The following FAM83B variants were observed in gnomAD, a reference collection of about 807,000 sequenced individuals.
FAM83B encodes the protein scaffolding CK1 anchoring protein B.
FAM83B carries 26 observed loss-of-function variants against 38.8 expected under a neutral mutation model. The observed-to-expected ratio is 0.67, with a 90% CI of 0.49 to 0.93. The LOEUF (loss-of-function observed/expected upper bound fraction) is 0.93. FAM83B is among the 40% of genes least tolerant of loss of function. FAM83B has a pLI of 0.00. For missense variants in FAM83B, 1,237 were observed against 1,197.3 expected, an observed-to-expected ratio of 1.03 and a Z score of -0.49; for synonymous variants, 419 against 423.1, an observed-to-expected ratio of 0.99 and a Z score of 0.12.
At chr6:54,883,899 G>C (rs1328950937) in intron 2 of FAM83B, among the ~76,000 whole-genome samples, 1 of 151,930 alleles carries the variant, frequency 6.6e-6, no homozygotes, top group South Asian at 2.1e-4. Flanking sequence ...GCTGAGTGCA[G>C]TGGCTCATGC....
At chr6:54,906,509 C>T (rs1257432672) in intron 2 of FAM83B, among the ~76,000 whole-genome samples, 1 of 152,004 alleles carries the variant, frequency 6.6e-6, no homozygotes, top group Admixed American at 6.6e-5. Context: ...CTCAGCCTCC[C>T]GAGTAGCTGC....
At position 54,940,380 on chromosome 6, in the gene FAM83B, C is replaced by G. The variant is rs777546716; in HGVS notation, c.1409C>G (p.Thr470Arg). The G allele has an allele frequency of 1.2e-6, 2 of 1,614,072 alleles. No homozygotes were observed. The highest frequency in any genetic ancestry group is 1.7e-5 in the Admixed American group (1 of 59,976). Reference protein sequence around the residue: ...NSNVRRSFNGTDNHIRFLQQR... With the variant: ...NSNVRRSFNGRDNHIRFLQQR... ...AATGTTCGGAGGTCTTTTAATGGGA[C>G]AGATAACCATATCCGCTTTTTGCAA... Residue 470 changes from threonine to arginine, a missense_variant, in exon 5 of 5, where the codon ACA (threonine) becomes AGA (arginine). Coordinates refer to ENST00000306858, the MANE Select transcript of FAM83B (RefSeq NM_001010872.3).
intron 2 of FAM83B, among the ~76,000 whole-genome samples, chr6:54,916,749 T>A (rs1175602266): frequency 6.6e-6 from 1 of 152,198 alleles, no homozygotes; most frequent in Non-Finnish European, 1.5e-5. Flanking sequence ...TCCTCTCTTC[T>A]GGATAGTACA....
chr6:54,891,418 G>C (rs895868457), intron 2 of FAM83B, among the ~76,000 whole-genome samples: 1 of 151,898 alleles, frequency 6.6e-6, no homozygotes, highest in Admixed American at 6.6e-5. Flanking sequence ...GATTTTCTTT[G>C]CTCTTTCCAT....
intron 3 of FAM83B, 110 bp from the exon 4 acceptor site, chr6:54,927,398 A>G: frequency 1.3e-6 from 1 of 796,392 alleles, no homozygotes; most frequent in Non-Finnish European, 1.8e-6. Flanking sequence ...TTTTTTAATT[A>G]CCTTAAGTAA....
intron 2 of FAM83B, among the ~76,000 whole-genome samples, chr6:54,905,924 T>C (rs1772767835): frequency 6.6e-6 from 1 of 152,036 alleles, no homozygotes; most frequent in African/African-American, 2.4e-5. Flanking sequence ...AAAATCCCAC[T>C]ATTTATCCTA....
upstream of FAM83B, chr6:54,846,745 C>T (rs1771143901): frequency 6.6e-6 from 1 of 152,306 alleles, no homozygotes; most frequent in Non-Finnish European, 1.5e-5. Flanking sequence ...TGCCCGCGCC[C>T]AGGCGCTTGC....
Position 54,884,042 on chromosome 6 carries a change from G to A in FAM83B, c.444+13352G>A, listed in dbSNP as rs564347994. On this transcript the variant is annotated intron_variant, in intron 2 of 4. Transcript: ENST00000306858. The stretch of plus-strand genomic sequence containing the variant: ...AAGAAGACCAGGCATGGTGACTCAC[G>A]CCTTTAATCCCAGCACTGTGGGAGG... Among the ~76,000 whole-genome samples the A allele has an allele frequency of 7.2e-5, 11 of 152,164 alleles. No individual in the cohort carries two copies. The East Asian group carries it at 9.7e-4, about 13-fold the overall frequency.
chr6:54,907,293 A>G (rs997381940), intron 2 of FAM83B, among the ~76,000 whole-genome samples: 1 of 152,128 alleles, frequency 6.6e-6, no homozygotes, highest in Admixed American at 6.5e-5. Flanking sequence ...AGAATATGCT[A>G]TTTTTCGTAG....
intron 1 of FAM83B, among the ~76,000 whole-genome samples, chr6:54,858,057 G>A (rs920782823): frequency 2.0e-5 from 3 of 152,218 alleles, no homozygotes; most frequent in Admixed American, 1.3e-4. Flanking sequence ...GAGCAGTGAA[G>A]TCTGGATGTT....
chr6:54,886,839 G>A (rs1410167121), intron 2 of FAM83B, among the ~76,000 whole-genome samples: 1 of 151,556 alleles, frequency 6.6e-6, no homozygotes, highest in East Asian at 1.9e-4. Context: ...ATGTGAATTG[G>A]AAAATAATTT....
chr6:54,881,553 T>A (rs1442347744), intron 2 of FAM83B, among the ~76,000 whole-genome samples: 1 of 152,120 alleles, frequency 6.6e-6, no homozygotes, highest in African/African-American at 2.4e-5. Flanking sequence ...GAAAAAAATC[T>A]ATAATCATAA....
At chr6:54,916,022 T>C (rs1238213712) in intron 2 of FAM83B, among the ~76,000 whole-genome samples, 2 of 152,154 alleles carry the variant, frequency 1.3e-5, no homozygotes, top group African/African-American at 4.8e-5. Context: ...CATTACAATC[T>C]TTCTAGCTTT....
chr6:54,847,756 G>A (rs1771176213), intron 1 of FAM83B, among the ~76,000 whole-genome samples: 1 of 152,136 alleles, frequency 6.6e-6, no homozygotes, highest in African/African-American at 2.4e-5. Flanking sequence ...GGAAACACAG[G>A]TTAGCATGTT....
chr6:54,890,764 A>C (rs915824249), intron 2 of FAM83B, among the ~76,000 whole-genome samples: 35 of 152,228 alleles, frequency 2.3e-4, no homozygotes, highest in South Asian at 6.2e-4. Flanking sequence ...TGATAAGATC[A>C]GTTTAAAAAT....
At chr6:54,935,991 G>T (rs767830870) in intron 4 of FAM83B, among the ~76,000 whole-genome samples, 1 of 152,022 alleles carries the variant, frequency 6.6e-6, no homozygotes, top group South Asian at 2.1e-4. Flanking sequence ...GGCTTGCAAG[G>T]CCCACTAAAA....
intron 1 of FAM83B, among the ~76,000 whole-genome samples, chr6:54,851,368 T>C (rs1300366119): frequency 6.6e-6 from 1 of 152,042 alleles, no homozygotes; most frequent in African/African-American, 2.4e-5. Context: ...TTTTTTCCCG[T>C]TCATCTTTCT....
chr6:54,926,300 G>A (rs1297231093), intron 2 of FAM83B, 71 bp from the exon 3 acceptor site: 3 of 1,028,230 alleles, frequency 2.9e-6, no homozygotes, highest in Non-Finnish European at 4.2e-6. Flanking sequence ...GACCTTTACT[G>A]AAAGTAAGCA....
intron 2 of FAM83B, among the ~76,000 whole-genome samples, chr6:54,915,011 G>A (rs1462427011): frequency 2.6e-5 from 4 of 151,900 alleles, no homozygotes; most frequent in Admixed American, 2.0e-4. Context: ...ATATCATTGT[G>A]ATGCCACTGA....
Sources: allele counts gnomAD v4.1 joint callset (sites outside exome capture counted in the v4.1 genomes callset), GRCh38; gene constraint gnomAD v4.1.1; transcripts MANE v1.5; gene names NCBI Gene and HGNC (gene_info 2026-07-23, HGNC 2026-07-21).